Variants in CFAP161 observed in about 807,000 individuals in gnomAD.
CFAP161 encodes the protein cilia and flagella associated protein 161.
Under a neutral mutation model 29.0 loss-of-function variants are expected in CFAP161, and 25 were observed. The ratio of observed to expected loss-of-function variants is 0.86; its 90% CI spans 0.63 to 1.20. The LOEUF (loss-of-function observed/expected upper bound fraction) is 1.20, where lower values mean the gene tolerates loss of function less well. Among genes scored for constraint, CFAP161 ranks in the 50% most tolerant of loss-of-function variants. CFAP161 has a pLI of 0.00. For synonymous variants in CFAP161, 116 were observed against 137.4 expected, an observed-to-expected ratio of 0.84 and a Z score of 1.09; for missense variants, 367 against 371.9, an observed-to-expected ratio of 0.99 and a Z score of 0.11.
intron 1 of CFAP161, among the ~76,000 whole-genome samples, chr15:81,116,305 A>G (rs938066118): frequency 6.6e-6 from 1 of 151,880 alleles, no homozygotes; most frequent in African/African-American, 2.4e-5. Flanking sequence ...TTAAGAACAA[A>G]TTTTTTGAGA....
intron 1 of CFAP161, among the ~76,000 whole-genome samples, chr15:81,103,270 T>A (rs1363451381): frequency 6.6e-6 from 1 of 152,228 alleles, no homozygotes; most frequent in African/African-American, 2.4e-5. Flanking sequence ...ATAACTCCCA[T>A]AACACAAGTT....
At chr15:81,115,381 C>T (rs898353389) in intron 1 of CFAP161, among the ~76,000 whole-genome samples, 5 of 152,162 alleles carry the variant, frequency 3.3e-5, no homozygotes, top group African/African-American at 1.2e-4. Context: ...TCTTGTGTCA[C>T]ACTGGGAGCA....
upstream of CFAP161, among the ~76,000 whole-genome samples, chr15:81,132,294 G>T (rs1359499606): frequency 6.6e-6 from 1 of 151,994 alleles, no homozygotes; most frequent in East Asian, 1.9e-4. Context: ...AAAGAAATAA[G>T]GGAGTCCAGA....
intron 1 of CFAP161, among the ~76,000 whole-genome samples, chr15:81,110,112 G>C (rs138319432): frequency 6.6e-6 from 1 of 151,926 alleles, no homozygotes; most frequent in African/African-American, 2.4e-5. Flanking sequence ...ATTCAGTACA[G>C]GTTAGTGTGA....
intron 1 of CFAP161, among the ~76,000 whole-genome samples, chr15:81,121,628 C>T (rs1894574587): frequency 6.6e-6 from 1 of 152,074 alleles, no homozygotes; most frequent in Non-Finnish European, 1.5e-5. Flanking sequence ...AGCAAGAAAT[C>T]TTGACTTGTC....
intron 1 of CFAP161, among the ~76,000 whole-genome samples, chr15:81,112,186 T>G (rs551672727): frequency 1.3e-3 from 193 of 150,798 alleles, no homozygotes; most frequent in Middle Eastern, 6.8e-3. Flanking sequence ...TGAAAGGAGC[T>G]TCAATCTGTT....
chr15:81,118,658 A>G (rs2141867340), intron 1 of CFAP161, among the ~76,000 whole-genome samples: 1 of 152,378 alleles, frequency 6.6e-6, no homozygotes, highest in Admixed American at 6.5e-5. Flanking sequence ...GCGCACACGC[A>G]GCCGCGCCCC....
rs375357907 is a variant in CFAP161 at position 81,148,548 on chromosome 15, G to T, written c.*15G>T. On this transcript the variant is annotated 3_prime_UTR_variant, in exon 7 of 7. Transcript: ENST00000286732. ...ACACGCAGTAACACGCCAGGCACGT[G>T]CATGTTTTCCCTGGTCCCGCTCTCA... 46 of 1,602,668 alleles carry T rather than the reference G, an allele frequency of 2.9e-5. No individual in the cohort carries two copies. Among genetic ancestry groups the T allele is most frequent in the Non-Finnish European group, 2.3e-5 (27 of 1,170,816 alleles).
At chr15:81,111,656 A>G (rs1271589701) in intron 1 of CFAP161, among the ~76,000 whole-genome samples, 1 of 151,830 alleles carries the variant, frequency 6.6e-6, no homozygotes, top group Non-Finnish European at 1.5e-5. Flanking sequence ...CTTTCCCATC[A>G]TCTCCCCTCT....
intron 1 of CFAP161, among the ~76,000 whole-genome samples, chr15:81,100,033 C>T (rs775199145): frequency 3.3e-5 from 5 of 151,778 alleles, no homozygotes; most frequent in East Asian, 1.9e-4. Context: ...AATACATGTA[C>T]GGCATTTAAA....
upstream of CFAP161, among the ~76,000 whole-genome samples, chr15:81,133,208 TATATATATATATA>T (rs1567156343): frequency 2.0e-4 from 13 of 64,572 alleles, no homozygotes; most frequent in African/African-American, 4.9e-4. Context: ...TATATATATA[TATATATATATATA>T]TATGTATTTT....
At position 81,136,720 on chromosome 15, in the gene CFAP161, A is replaced by G; in HGVS notation, c.364A>G (p.Ile122Val). 1 of 1,614,010 alleles carries G rather than the reference A, an allele frequency of 6.2e-7. No individual in the cohort carries two copies. Among genetic ancestry groups the G allele is most frequent in the East Asian group, 2.2e-5 (1 of 44,874 alleles). ...GAGCGCAGTTCAAGCCAAGACCCCA[A>G]TTGGCAGAAACACTTTTATCATTTT... The part of the protein sequence containing the change: ...GLSAVQAKTP[I>V]GRNTFIILSV... The change falls in exon 3 of 7, where the codon ATT becomes GTT. Residue 122 changes from isoleucine (I) to valine (V), a missense_variant. Physicochemically the swap from Ile to Val is conservative, Grantham distance 29. Coordinates refer to ENST00000286732, the MANE Select transcript of CFAP161 (RefSeq NM_173528.4).
chr15:81,103,900 G>A (rs1034518162), intron 1 of CFAP161, among the ~76,000 whole-genome samples: 5 of 152,306 alleles, frequency 3.3e-5, no homozygotes, highest in African/African-American at 7.2e-5. Context: ...GCTGGTGTCC[G>A]CTGCTTGGTG....
Position 81,148,344 on chromosome 15 carries a change from T to G in CFAP161, c.717T>G (p.Tyr239Ter), listed in dbSNP as rs1481843396. The G allele has an allele frequency of 6.2e-7, 1 of 1,609,302 alleles. No individual in the cohort carries two copies. The stretch of plus-strand genomic sequence containing the variant: ...TGATTCTCTCTTGCTCCAGCACCTA[T>G]TTTGGAAAGGAGGCTGAGGTTGTAG... ...AAHRHLFLST[Y>*]FGKEAEVVAH... The change falls in exon 7 of 7, where the codon TAT (tyrosine) becomes TAG (stop). Residue 239 changes from tyrosine to a stop codon, truncating the protein, a stop_gained. Coordinates refer to ENST00000286732, the MANE Select transcript of CFAP161 (RefSeq NM_173528.4). LOFTEE classifies it low-confidence loss of function (END_TRUNC).
intron 4 of CFAP161, among the ~76,000 whole-genome samples, chr15:81,141,723 T>TG (rs1894912668): frequency 6.6e-6 from 1 of 152,000 alleles, no homozygotes; most frequent in Admixed American, 6.6e-5. Context: ...CTCACTCTGT[T>TG]GCCTAGGCTG....
rs1894841650 is a variant in CFAP161 at position 81,138,040 on chromosome 15, T to G, written c.393-11T>G. 6.3e-7 allele frequency: 1 copy of G among 1,578,994 alleles called. No individual in the cohort carries two copies. The highest frequency in any genetic ancestry group is 1.3e-5 in the African/African-American group (1 of 74,084). On this transcript the variant is annotated splice_polypyrimidine_tract_variant and intron_variant, in intron 3 of 6. Transcript: ENST00000286732. The stretch of plus-strand genomic sequence containing the variant: ...GTTTACATTTACATTATACTTATTG[T>G]CCACTGACAGTGTACACAGAGATGC...
At chr15:81,105,187 T>TTTTCTC (rs1894354903) in intron 1 of CFAP161, among the ~76,000 whole-genome samples, 1 of 72,838 alleles carries the variant, frequency 1.4e-5, no homozygotes, top group African/African-American at 4.8e-5. Context: ...CTTCCTTTTT[T>TTTTCTC]CCTCCCTCAC....
intron 4 of CFAP161, among the ~76,000 whole-genome samples, chr15:81,141,175 GTC>G (rs1323973442): frequency 3.3e-5 from 5 of 152,278 alleles, no homozygotes; most frequent in African/African-American, 1.2e-4. Flanking sequence ...CTTCTGAGAT[GTC>G]TCTCCATTTA....
intron 1 of CFAP161, among the ~76,000 whole-genome samples, chr15:81,118,513 G>A (rs1036322736): frequency 6.6e-6 from 1 of 152,240 alleles, no homozygotes; most frequent in African/African-American, 2.4e-5. Context: ...CGCCCTCAGC[G>A]GGAAAGCCAC....
Sources: gnomAD v4.1 joint callset for allele counts (sites outside exome capture counted in the v4.1 genomes callset) on GRCh38, gnomAD v4.1.1 for gene constraint, MANE v1.5 for transcripts, NCBI Gene and HGNC (gene_info 2026-07-23, HGNC 2026-07-21) for gene names.